Variants in SNX13 observed in about 807,000 individuals in gnomAD.
SNX13 encodes sorting nexin-13.
SNX13 carries 45 observed loss-of-function variants against 133.6 expected under a neutral mutation model. The observed-to-expected ratio is 0.34, with a 90% CI of 0.27 to 0.43. The LOEUF (loss-of-function observed/expected upper bound fraction) is 0.43. Ranked by LOEUF, SNX13 falls within the 20% of genes least tolerant of loss-of-function variation. The pLI, the probability that SNX13 is intolerant of heterozygous loss-of-function variation, is 1.00. For missense variants in SNX13, 1,032 were observed against 1,145.1 expected (o/e 0.90, Z 1.43); for synonymous variants, 414 against 373.9 (o/e 1.11, Z -1.24).
At chr7:17,887,333 A>T (rs957226845) in intron 5 of SNX13, among the ~76,000 whole-genome samples, 1 of 152,188 alleles carries the variant, frequency 6.6e-6, no homozygotes, top group Non-Finnish European at 1.5e-5. Context: ...TCACACTATA[A>T]TATCTTATTT....
At chr7:17,869,046 T>A (rs1394278508) in intron 8 of SNX13, among the ~76,000 whole-genome samples, 1 of 152,118 alleles carries the variant, frequency 6.6e-6, no homozygotes. Flanking sequence ...TTCAACATTC[T>A]CTAAAATCTA....
chr7:17,864,321 T>G (rs888139323), intron 9 of SNX13, among the ~76,000 whole-genome samples: 2 of 152,132 alleles, frequency 1.3e-5, no homozygotes, highest in Non-Finnish European at 2.9e-5. Flanking sequence ...ATTGAGAAAT[T>G]TAACAGAGGC....
intron 3 of SNX13, among the ~76,000 whole-genome samples, chr7:17,893,020 T>C (rs767137572): frequency 1.3e-5 from 2 of 152,204 alleles, no homozygotes; most frequent in Non-Finnish European, 2.9e-5. Flanking sequence ...CTCATTGACA[T>C]TGTTAAAAAT....
At chr7:17,877,045 GAAAAAAAAA>G (rs57618763) in intron 5 of SNX13, among the ~76,000 whole-genome samples, 2 of 60,076 alleles carry the variant, frequency 3.3e-5, no homozygotes, top group East Asian at 4.3e-4. Context: ...GTTACTTTTT[GAAAAAAAAA>G]AAAAAAAAAA....
intron 17 of SNX13, among the ~76,000 whole-genome samples, chr7:17,822,123 G>A (rs1195714959): frequency 1.3e-5 from 2 of 151,982 alleles, no homozygotes; most frequent in African/African-American, 2.4e-5. Flanking sequence ...CAACAGCCAC[G>A]GGATAACATT....
chr7:17,863,044 G>A (rs1323737741), intron 9 of SNX13, among the ~76,000 whole-genome samples: 1 of 152,154 alleles, frequency 6.6e-6, no homozygotes, highest in African/African-American at 2.4e-5. Flanking sequence ...GAAGAGTGAA[G>A]TAAGTATAGA....
intron 2 of SNX13, among the ~76,000 whole-genome samples, chr7:17,894,429 G>A (rs1796984083): frequency 6.6e-6 from 1 of 151,634 alleles, no homozygotes; most frequent in Admixed American, 6.6e-5. Flanking sequence ...ATTCACGTGA[G>A]GTATTACATT....
intron 8 of SNX13, among the ~76,000 whole-genome samples, chr7:17,872,227 A>G (rs1008999849): frequency 3.3e-5 from 5 of 152,242 alleles, no homozygotes; most frequent in Non-Finnish European, 7.3e-5. Flanking sequence ...TAAGCAGAAG[A>G]GAAGTTAAGG....
At chr7:17,829,894 AATACT>A (rs1207108615) in intron 16 of SNX13, 111 bp downstream of exon 16, 3 of 628,992 alleles carry the variant, frequency 4.8e-6, no homozygotes, top group Non-Finnish European at 7.5e-6. Flanking sequence ...AACTTTTTAC[AATACT>A]AAAGGATGAT....
At chr7:17,838,856 T>C (rs1435340040) in intron 13 of SNX13, among the ~76,000 whole-genome samples, 1 of 151,694 alleles carries the variant, frequency 6.6e-6, no homozygotes, top group South Asian at 2.1e-4. Flanking sequence ...GCCTTGCAAA[T>C]GATTTATCTT....
At chr7:17,915,848 T>A (rs1382596387) in intron 1 of SNX13, among the ~76,000 whole-genome samples, 1 of 152,164 alleles carries the variant, frequency 6.6e-6, no homozygotes, top group East Asian at 1.9e-4. Context: ...GACTGCAGAG[T>A]ACACATTCTT....
chr7:17,867,242 A>G (rs927744996), intron 9 of SNX13, among the ~76,000 whole-genome samples: 2 of 152,198 alleles, frequency 1.3e-5, no homozygotes, highest in African/African-American at 4.8e-5. Context: ...CCAGAAGTAC[A>G]CAATTAATAA....
intron 22 of SNX13, 146 bp downstream of exon 22, chr7:17,801,442 G>A: frequency 1.6e-6 from 1 of 620,652 alleles, no homozygotes; most frequent in Non-Finnish European, 2.8e-6. Flanking sequence ...TTAATTACAT[G>A]GGCATGTTCA....
chr7:17,938,852 A>G (rs992458657), intron 1 of SNX13, among the ~76,000 whole-genome samples: 2 of 152,238 alleles, frequency 1.3e-5, no homozygotes, highest in African/African-American at 4.8e-5. Context: ...TGTTCCCACT[A>G]AAATATCACA....
intron 15 of SNX13, chr7:17,830,807 C>G (rs765313433): frequency 3.2e-5 from 31 of 982,970 alleles, no homozygotes; most frequent in Non-Finnish European, 3.5e-5. Context: ...TATTCATACA[C>G]AGTTTAATAT....
At chr7:17,873,877 G>A (rs1021373602) in intron 7 of SNX13, among the ~76,000 whole-genome samples, 10 of 151,928 alleles carry the variant, frequency 6.6e-5, no homozygotes, top group African/African-American at 2.4e-4. Context: ...TTCGTTACAA[G>A]TCTTTTTTCC....
intron 13 of SNX13, among the ~76,000 whole-genome samples, chr7:17,839,099 A>G (rs1789537599): frequency 6.7e-6 from 1 of 149,822 alleles, no homozygotes; most frequent in Admixed American, 6.7e-5. Context: ...AAGCAATTCT[A>G]TTCTATATAT....
chr7:17,927,447 T>C (rs967856646), intron 1 of SNX13, among the ~76,000 whole-genome samples: 4 of 152,006 alleles, frequency 2.6e-5, no homozygotes, highest in African/African-American at 9.7e-5. Flanking sequence ...CTCCCTACAC[T>C]GCCCAGGCTG....
chr7:17,881,335 C>G lies in SNX13; in HGVS notation c.441-5545G>C, dbSNP rs553577226. On this transcript the variant is annotated intron_variant, in intron 5 of 25. Coordinates refer to ENST00000428135, the MANE Select transcript of SNX13 (RefSeq NM_015132.5). ...GAAAAGGTATATACATATACACATA[C>G]ACAAACACACACACACACACGCACG... 4.0e-5 allele frequency: 6 copies of G among 151,632 alleles called. No individual in the cohort carries two copies. The South Asian group carries it at 1.2e-3, about 32-fold the overall frequency. 9.4% of individuals were successfully genotyped at this position (151,632 alleles called of 1,614,324 possible).
Sources: gnomAD v4.1 joint callset for allele counts (sites outside exome capture counted in the v4.1 genomes callset) on GRCh38, gnomAD v4.1.1 for gene constraint, MANE v1.5 for transcripts, NCBI Gene and HGNC (gene_info 2026-07-23, HGNC 2026-07-21) for gene names.